Variants in DGKG observed in about 807,000 individuals in gnomAD.
The protein encoded by DGKG is DAG kinase gamma.
Under a neutral mutation model 105.3 loss-of-function variants are expected in DGKG, and 78 were observed. That is an observed-to-expected ratio of 0.74 (90% CI 0.62 to 0.89). The LOEUF (loss-of-function observed/expected upper bound fraction) is 0.89, where lower values mean the gene tolerates loss of function less well. Among genes scored for constraint, DGKG ranks in the 40% least tolerant of loss-of-function variants. The probability of loss-of-function intolerance (pLI) is 0.00; values close to 1 mark genes in which losing one functional copy is unlikely to be tolerated. For missense variants in DGKG, 958 were observed against 1,020.1 expected (o/e 0.94, Z 0.83); for synonymous variants, 346 against 367.1 (o/e 0.94, Z 0.66).
At chr3:186,314,212 C>T (rs1261216986) in intron 2 of DGKG, among the ~76,000 whole-genome samples, 1 of 135,198 alleles carries the variant, frequency 7.4e-6, no homozygotes, top group Non-Finnish European at 1.7e-5. Flanking sequence ...CACACACACA[C>T]ACACACACAC....
chr3:186,222,716 C>T (rs964239428), intron 20 of DGKG, among the ~76,000 whole-genome samples: 16 of 151,474 alleles, frequency 1.1e-4, no homozygotes, highest in East Asian at 3.9e-4. Context: ...CAGTGGGTCA[C>T]GCCTGTAAAC....
intron 5 of DGKG, among the ~76,000 whole-genome samples, chr3:186,290,524 A>G (rs1325676439): frequency 6.6e-6 from 1 of 152,230 alleles, no homozygotes; most frequent in African/African-American, 2.4e-5. Context: ...AATGTATGAA[A>G]CAATGGTTCA....
chr3:186,324,786 C>T (rs529275543), intron 1 of DGKG, among the ~76,000 whole-genome samples: 1 of 152,336 alleles, frequency 6.6e-6, no homozygotes, highest in Admixed American at 6.5e-5. Context: ...TTGGAGATTT[C>T]TCGAAGAACT....
intron 1 of DGKG, among the ~76,000 whole-genome samples, chr3:186,338,572 A>T (rs1202359100): frequency 6.6e-6 from 1 of 152,230 alleles, no homozygotes; most frequent in Non-Finnish European, 1.5e-5. Context: ...ATGTGAAAGG[A>T]TGTACATGAA....
intron 20 of DGKG, among the ~76,000 whole-genome samples, chr3:186,235,053 A>AC (rs1720350216): frequency 6.6e-6 from 1 of 152,080 alleles, no homozygotes; most frequent in Non-Finnish European, 1.5e-5. Flanking sequence ...AAAAACATGA[A>AC]CCCATATTTC....
chr3:186,279,969 A>G lies in DGKG; in HGVS notation c.674T>C (p.Leu225Ser), dbSNP rs776412463. ...GTCCATCCCTTGCAGCATCTCCTTC[A>G]ATATCTGTGGAATCCAAAGAGCAAT... Reference protein sequence around the residue: ...EWDPTELRPILKEMLQGMDYD... With the variant: ...EWDPTELRPISKEMLQGMDYD... The change falls in exon 9 of 25, where the codon TTG becomes TCG. Residue 225 changes from leucine to serine, a missense_variant. Leu to Ser is a moderately radical substitution (Grantham distance 145, BLOSUM62 -2). Around this residue, in one of 2 missense-constraint regions of DGKG, gnomAD observed 643 missense variants for 619.5 expected, o/e 1.04. Transcript: ENST00000265022. 4 of 1,613,990 alleles carry G rather than the reference A, an allele frequency of 2.5e-6. No individual in the cohort carries two copies. Among genetic ancestry groups the G allele is most frequent in the Non-Finnish European group, 3.4e-6 (4 of 1,179,938 alleles).
chr3:186,148,225 G>A lies in DGKG; in HGVS notation c.*1865C>T, dbSNP rs986554158. The A allele has an allele frequency of 6.1e-6, 6 of 985,366 alleles. No homozygotes were observed. The highest frequency in any genetic ancestry group is 7.2e-6 in the Non-Finnish European group (6 of 829,984). The allele number at this position is 985,366 out of a possible 1,614,324, so 61.0% of individuals were successfully genotyped here. On this transcript the variant is annotated 3_prime_UTR_variant, in exon 25 of 25. Transcript: ENST00000265022. ...TGCTGAATGAAGCCCACTGAGCTCT[G>A]CTGAGACCCCTCTGTCCTGGCTGGC...
At chr3:186,223,237 T>C (rs1719684602) in intron 20 of DGKG, among the ~76,000 whole-genome samples, 1 of 151,388 alleles carries the variant, frequency 6.6e-6, no homozygotes, top group Non-Finnish European at 1.5e-5. Context: ...TCCCCGGCGG[T>C]GACCCTGAAG....
At chr3:186,236,281 G>A (rs996183208) in intron 20 of DGKG, among the ~76,000 whole-genome samples, 1 of 152,192 alleles carries the variant, frequency 6.6e-6, no homozygotes, top group African/African-American at 2.4e-5. Context: ...TTGATTCTGT[G>A]ATAACTGAAT....
At chr3:186,354,819 G>T (rs971421520) in intron 1 of DGKG, among the ~76,000 whole-genome samples, 5 of 152,264 alleles carry the variant, frequency 3.3e-5, no homozygotes, top group South Asian at 2.1e-4. Context: ...AGAAGGCACT[G>T]GTCAGAGTGG....
intron 22 of DGKG, among the ~76,000 whole-genome samples, chr3:186,185,386 C>A (rs1717575552): frequency 6.6e-6 from 1 of 152,136 alleles, no homozygotes; most frequent in South Asian, 2.1e-4. Flanking sequence ...GAAGAGAGTT[C>A]CTGTACATGA....
At position 186,332,450 on chromosome 3, in the gene DGKG, T is replaced by G. The variant is rs191958009; in HGVS notation, c.-248-11743A>C. Among the ~76,000 whole-genome samples the G allele has an allele frequency of 3.5e-3, 530 of 152,146 alleles. 5 individuals carry two copies. Among genetic ancestry groups the G allele is most frequent in the African/African-American group, 0.012 (485 of 41,514 alleles). On this transcript the variant is annotated intron_variant, in intron 1 of 24. Transcript: ENST00000265022. ...CTGAACTCCAGTGCTGAGGGGCTGA[T>G]GTAGGGAAGGGATTGTGAGTAGAGG...
intron 21 of DGKG, among the ~76,000 whole-genome samples, chr3:186,211,047 C>G (rs926394699): frequency 6.6e-6 from 1 of 152,102 alleles, no homozygotes; most frequent in African/African-American, 2.4e-5. Flanking sequence ...AGCTTATCAA[C>G]CAGGGGAGGG....
At chr3:186,186,394 G>A (rs1717640568) in intron 22 of DGKG, among the ~76,000 whole-genome samples, 1 of 152,202 alleles carries the variant, frequency 6.6e-6, no homozygotes, top group South Asian at 2.1e-4. Context: ...GCATTTGCCT[G>A]TAGCAATGGT....
intron 22 of DGKG, among the ~76,000 whole-genome samples, chr3:186,169,399 T>A (rs1716709277): frequency 6.6e-6 from 1 of 152,236 alleles, no homozygotes. Context: ...GTATTTCTTA[T>A]TTTTTATAAG....
At chr3:186,160,223 T>C (rs1311220014) in intron 24 of DGKG, 3 of 985,302 alleles carry the variant, frequency 3.0e-6, no homozygotes, top group Middle Eastern at 5.2e-4. Flanking sequence ...GGTGTGGGCA[T>C]AGGGAGAAGC....
At chr3:186,309,076 A>G (rs1724392612) in intron 2 of DGKG, among the ~76,000 whole-genome samples, 1 of 152,226 alleles carries the variant, frequency 6.6e-6, no homozygotes, top group Non-Finnish European at 1.5e-5. Flanking sequence ...GTTAACATAA[A>G]GAAAGGTGTA....
intron 21 of DGKG, among the ~76,000 whole-genome samples, chr3:186,199,780 T>C (rs375249768): frequency 4.6e-4 from 70 of 152,336 alleles, no homozygotes; most frequent in South Asian, 4.1e-4. Flanking sequence ...CCCACAGTGC[T>C]GGAATTACAG....
intron 24 of DGKG, among the ~76,000 whole-genome samples, chr3:186,155,250 C>T (rs573691659): frequency 5.3e-5 from 8 of 152,168 alleles, no homozygotes; most frequent in South Asian, 4.2e-4. Flanking sequence ...TGGAGTGCAA[C>T]GGCGTGATCT....
Sources: allele counts gnomAD v4.1 joint callset (sites outside exome capture counted in the v4.1 genomes callset), GRCh38; gene constraint gnomAD v4.1.1; regional missense constraint gnomAD v4.1.1; transcripts MANE v1.5; gene names NCBI Gene and HGNC (gene_info 2026-07-23, HGNC 2026-07-21).